USH2A: variants seen among roughly 807,000 people sequenced by gnomAD.
USH2A encodes Usher syndrome 2A (autosomal recessive, mild).
In USH2A, 443 loss-of-function variants were observed where a neutral mutation model predicts 538.9. The ratio of observed to expected loss-of-function variants is 0.82; its 90% CI spans 0.76 to 0.89. USH2A has a LOEUF of 0.89. USH2A is among the 40% of genes least tolerant of loss of function. The pLI, the probability that USH2A is intolerant of heterozygous loss-of-function variation, is 0.00. For synonymous variants in USH2A, 2,413 were observed against 2,273.5 expected, an observed-to-expected ratio of 1.06 and a Z score of -1.75; for missense variants, 6,633 against 6,324.8, an observed-to-expected ratio of 1.05 and a Z score of -1.65.
chr1:215,697,823 T>A (rs1658868859), intron 61 of USH2A, among the ~76,000 whole-genome samples: 1 of 152,090 alleles, frequency 6.6e-6, no homozygotes, highest in Non-Finnish European at 1.5e-5. Context: ...ACCCAGGCTT[T>A]TATTTATTTA....
intron 40 of USH2A, among the ~76,000 whole-genome samples, chr1:215,893,886 A>G (rs1452352221): frequency 2.6e-5 from 4 of 152,150 alleles, no homozygotes; most frequent in Non-Finnish European, 2.9e-5. Flanking sequence ...CTTACATTAT[A>G]AAAATAAAAT....
chr1:215,727,320 G>C (rs1210404702), intron 61 of USH2A, among the ~76,000 whole-genome samples: 4 of 151,968 alleles, frequency 2.6e-5, no homozygotes, highest in Admixed American at 2.0e-4. Flanking sequence ...TGGGGAAGTA[G>C]AAAATTAAAT....
intron 20 of USH2A, among the ~76,000 whole-genome samples, chr1:216,183,991 AAAAC>A (rs753162949): frequency 3.3e-5 from 5 of 152,022 alleles, no homozygotes; most frequent in Non-Finnish European, 7.4e-5. Flanking sequence ...TTGAAAGAGC[AAAAC>A]AAACAAACAA....
chr1:216,159,007 GT>G (rs903899471), intron 21 of USH2A, among the ~76,000 whole-genome samples: 1 of 151,918 alleles, frequency 6.6e-6, no homozygotes, highest in African/African-American at 2.4e-5. Flanking sequence ...TTTTCTACTT[GT>G]TTTTTGCTAT....
chr1:215,943,569 T>C (rs1228335030), intron 37 of USH2A, among the ~76,000 whole-genome samples: 3 of 152,164 alleles, frequency 2.0e-5, no homozygotes, highest in Non-Finnish European at 4.4e-5. Context: ...GGTAAGACCA[T>C]GGGACTGCCA....
intron 20 of USH2A, among the ~76,000 whole-genome samples, chr1:216,183,989 G>A (rs891056417): frequency 6.6e-6 from 1 of 151,902 alleles, no homozygotes; most frequent in Non-Finnish European, 1.5e-5. Context: ...TGTTGAAAGA[G>A]CAAAACAAAC....
intron 8 of USH2A, among the ~76,000 whole-genome samples, chr1:216,322,447 GA>G (rs565804777): frequency 8.8e-5 from 13 of 147,366 alleles, no homozygotes; most frequent in Admixed American, 6.1e-4. Flanking sequence ...TACAAAAAGT[GA>G]AAAAAAAAAT....
Position 216,008,844 on chromosome 1 carries a change from C to T in USH2A, c.6326-8282G>A, listed in dbSNP as rs544473509. ...AAAGACAAAGGAGACATGTTTCATC[C>T]GTGGACCCAAAACTCTGGCGCCAGT... is the stretch of plus-strand genomic sequence containing the variant. On this transcript the variant is annotated intron_variant, in intron 32 of 71. Transcript: ENST00000307340. Among the ~76,000 whole-genome samples, 4 of 152,162 alleles carry T rather than the reference C, an allele frequency of 2.6e-5. No homozygotes were observed. In the East Asian group the frequency reaches 5.8e-4, roughly 22 times the overall value.
At position 216,059,235 on chromosome 1, in the gene USH2A, G is replaced by C. The variant is rs1224636075; in HGVS notation, c.6050-10588C>G. 2.0e-5 allele frequency among the ~76,000 whole-genome samples: 3 copies of C among 152,082 alleles called. No individual in the cohort carries two copies. In the East Asian group the frequency reaches 5.8e-4, roughly 29 times the overall value. ...AATTTAATCTTACTGATGATACTCT[G>C]CATAGCTGAGTTTAAGTTCCAAAAT... On this transcript the variant is annotated intron_variant, in intron 30 of 71. Coordinates refer to ENST00000307340, the MANE Select transcript of USH2A (RefSeq NM_206933.4).
chr1:216,078,768 T>C (rs2031839790), intron 26 of USH2A, among the ~76,000 whole-genome samples: 1 of 152,130 alleles, frequency 6.6e-6, no homozygotes, highest in South Asian at 2.1e-4. Flanking sequence ...CATATATCAA[T>C]TTAATTTGGG....
rs147414911 is a variant in USH2A, at chr1:215,625,244, G to C, written c.*537C>G. On this transcript the variant is annotated 3_prime_UTR_variant, in exon 72 of 72. Coordinates refer to ENST00000307340, the MANE Select transcript of USH2A (RefSeq NM_206933.4). ...AGTTTGGTAAGTAACCCTATGTATGGTAAATAAATAGAACCTTCAGAAAAG... is the reference window on the plus strand; with the variant it reads ...AGTTTGGTAAGTAACCCTATGTATGCTAAATAAATAGAACCTTCAGAAAAG... 3.4e-3 allele frequency: 582 copies of C among 173,044 alleles called. 5 individuals are homozygous for C. The highest frequency in any genetic ancestry group is 0.013 in the African/African-American group (559 of 41,790). The allele number at this position is 173,044 out of a possible 1,614,324, so 10.7% of individuals were successfully genotyped here. A position where few individuals can be genotyped will look rare whatever the true frequency, so the allele number is the denominator to read the frequency against.
chr1:216,260,809 T>G (rs903945729), intron 11 of USH2A, among the ~76,000 whole-genome samples: 1 of 152,100 alleles, frequency 6.6e-6, no homozygotes, highest in Non-Finnish European at 1.5e-5. Context: ...ATGAAAGGAT[T>G]AAGTGAAAGT....
At chr1:216,156,381 C>A (rs537034612) in intron 21 of USH2A, among the ~76,000 whole-genome samples, 16 of 144,542 alleles carry the variant, frequency 1.1e-4, no homozygotes, top group African/African-American at 3.9e-4. Flanking sequence ...GGGTTGAGTG[C>A]TTCTGTTATG....
At chr1:215,870,931 T>A (rs895845628) in intron 43 of USH2A, among the ~76,000 whole-genome samples, 2 of 152,172 alleles carry the variant, frequency 1.3e-5, no homozygotes, top group African/African-American at 4.8e-5. Flanking sequence ...CTTATGTGTA[T>A]CAATCAATTT....
chr1:216,309,816 C>A (rs2037386914), intron 9 of USH2A, among the ~76,000 whole-genome samples: 1 of 151,902 alleles, frequency 6.6e-6, no homozygotes. Flanking sequence ...GTAATTTTTC[C>A]CCTTTAGCCT....
At chr1:216,285,082 A>T (rs2036855571) in intron 11 of USH2A, among the ~76,000 whole-genome samples, 1 of 152,212 alleles carries the variant, frequency 6.6e-6, no homozygotes, top group South Asian at 2.1e-4. Context: ...TTCCGGAGAG[A>T]AATTCAAGTT....
chr1:216,009,958 C>T (rs1034471327), intron 32 of USH2A, among the ~76,000 whole-genome samples: 2 of 152,134 alleles, frequency 1.3e-5, no homozygotes, highest in Non-Finnish European at 1.5e-5. Context: ...AGTTCATGGT[C>T]GCTCGGCATC....
intron 37 of USH2A, among the ~76,000 whole-genome samples, chr1:215,954,194 C>T (rs903085728): frequency 6.6e-6 from 1 of 152,062 alleles, no homozygotes; most frequent in African/African-American, 2.4e-5. Context: ...TACCATTTGA[C>T]CCAGCCATCC....
intron 64 of USH2A, among the ~76,000 whole-genome samples, chr1:215,659,214 C>G (rs74141285): frequency 0.017 from 2,644 of 152,264 alleles, 83 homozygotes; most frequent in African/African-American, 0.06. Context: ...GAGGTTCTCT[C>G]AACAGATGAC....
Sources: allele counts gnomAD v4.1 joint callset (sites outside exome capture counted in the v4.1 genomes callset), GRCh38; gene constraint gnomAD v4.1.1; transcripts MANE v1.5; gene names NCBI Gene and HGNC (gene_info 2026-07-23, HGNC 2026-07-21).